Variants in LRFN2 observed in about 807,000 individuals in gnomAD.
LRFN2 encodes leucine rich repeat and fibronectin type III domain containing 2.
Under a neutral mutation model 37.3 loss-of-function variants are expected in LRFN2, and 18 were observed. The ratio of observed to expected loss-of-function variants is 0.48; its 90% CI spans 0.33 to 0.72. LRFN2 has a LOEUF of 0.72. LRFN2 is among the 30% of genes least tolerant of loss of function. LRFN2 has a pLI of 0.02. For synonymous variants in LRFN2, 556 were observed against 466.6 expected (o/e 1.19, Z -2.47); for missense variants, 1,006 against 1,060.7 (o/e 0.95, Z 0.72).
At chr6:40,522,795 A>G (rs1199253371) in intron 1 of LRFN2, among the ~76,000 whole-genome samples, 1 of 152,234 alleles carries the variant, frequency 6.6e-6, no homozygotes, top group Non-Finnish European at 1.5e-5. Flanking sequence ...CAGGGGTTTC[A>G]AAGAAAAAAG....
At chr6:40,526,358 C>G (rs1766255209) in intron 1 of LRFN2, among the ~76,000 whole-genome samples, 1 of 152,182 alleles carries the variant, frequency 6.6e-6, no homozygotes, top group Admixed American at 6.5e-5. Context: ...CTTGAAGAGG[C>G]CACAGAACAA....
chr6:40,569,853 G>A (rs1325821165), intron 1 of LRFN2, among the ~76,000 whole-genome samples: 1 of 152,026 alleles, frequency 6.6e-6, no homozygotes, highest in Non-Finnish European at 1.5e-5. Context: ...CCAAGACTAA[G>A]CTCCTCTGCA....
intron 2 of LRFN2, among the ~76,000 whole-genome samples, chr6:40,401,095 C>T (rs1762729535): frequency 6.8e-6 from 1 of 146,804 alleles, no homozygotes; most frequent in South Asian, 2.1e-4. Context: ...TCTAATGGAA[C>T]AGAGTTTACC....
chr6:40,541,411 A>C (rs1766553121), intron 1 of LRFN2, among the ~76,000 whole-genome samples: 2 of 152,184 alleles, frequency 1.3e-5, no homozygotes, highest in African/African-American at 4.8e-5. Context: ...GCCAGGTGGA[A>C]TGTGTTCCCT....
At chr6:40,521,388 G>A (rs535074012) in intron 1 of LRFN2, among the ~76,000 whole-genome samples, 58 of 152,342 alleles carry the variant, frequency 3.8e-4, no homozygotes, top group Non-Finnish European at 7.1e-4. Context: ...GAGCCAGAGA[G>A]AGGGGGCTTC....
At chr6:40,419,072 C>T (rs1581690352) in intron 2 of LRFN2, among the ~76,000 whole-genome samples, 1 of 152,346 alleles carries the variant, frequency 6.6e-6, no homozygotes, top group East Asian at 1.9e-4. Context: ...TGTGTGTTCA[C>T]AAGCCTGCCA....
chr6:40,484,811 G>A (rs1011823297), intron 1 of LRFN2, among the ~76,000 whole-genome samples: 1 of 152,184 alleles, frequency 6.6e-6, no homozygotes, highest in Non-Finnish European at 1.5e-5. Flanking sequence ...GGCCCCTCTA[G>A]CCCTCATACA....
chr6:40,393,641 C>T (rs1762558613), intron 2 of LRFN2, among the ~76,000 whole-genome samples: 1 of 152,210 alleles, frequency 6.6e-6, no homozygotes, highest in Admixed American at 6.5e-5. Context: ...GTATTCCCTC[C>T]GTCTCTGGGA....
At chr6:40,435,030 TATATATATATATATATATATATAG>T (rs1463834867) in intron 1 of LRFN2, among the ~76,000 whole-genome samples, 2 of 87,602 alleles carry the variant, frequency 2.3e-5, no homozygotes, top group African/African-American at 4.6e-5. Flanking sequence ...TATATATATA[TATATATATATATATATATATATAG>T]AGAGAGAGAG....
chr6:40,395,449 C>T (rs1021203283), intron 2 of LRFN2, among the ~76,000 whole-genome samples: 11 of 152,208 alleles, frequency 7.2e-5, no homozygotes, highest in Admixed American at 1.3e-4. Context: ...GACTCACGCT[C>T]CTCTACTGAC....
intron 1 of LRFN2, among the ~76,000 whole-genome samples, chr6:40,436,340 C>T (rs781439114): frequency 1.4e-4 from 22 of 152,318 alleles, no homozygotes; most frequent in Non-Finnish European, 2.6e-4. Context: ...CACAGCCATG[C>T]TTATTTGTTT....
At chr6:40,524,218 C>T (rs968790265) in intron 1 of LRFN2, among the ~76,000 whole-genome samples, 1 of 152,158 alleles carries the variant, frequency 6.6e-6, no homozygotes. Flanking sequence ...CAAAACAAAA[C>T]ACATGCAGAT....
At position 40,480,796 on chromosome 6, in the gene LRFN2, G is replaced by A. The variant is rs147611886; in HGVS notation, c.-18-47665C>T. Among the ~76,000 whole-genome samples the A allele has an allele frequency of 2.7e-3, 406 of 152,272 alleles. 4 individuals carry two copies. The highest frequency in any genetic ancestry group is 0.023 in the Admixed American group (347 of 15,292). On this transcript the variant is annotated intron_variant, in intron 1 of 2. Coordinates refer to ENST00000338305, the MANE Select transcript of LRFN2 (RefSeq NM_020737.3). ...TATCAATATTACATGTCACCATGTC[G>A]CATATGGGGCCAGGTGGAATACAAG...
At chr6:40,530,366 T>C (rs188325074) in intron 1 of LRFN2, among the ~76,000 whole-genome samples, 83 of 152,284 alleles carry the variant, frequency 5.5e-4, no homozygotes, top group Middle Eastern at 3.4e-3. Context: ...CAAGTTATGG[T>C]AAGCGTGAAT....
At position 40,528,000 on chromosome 6, in the gene LRFN2, A is replaced by T. The variant is rs532252764; in HGVS notation, c.-19+58941T>A. On this transcript the variant is annotated intron_variant, in intron 1 of 2. Coordinates refer to ENST00000338305, the MANE Select transcript of LRFN2 (RefSeq NM_020737.3). Reference sequence around the variant, plus strand: ...AAAGTGACTGTTATTATTCCCATTTATGGAGGAGAAAATGGAGTCTCAGAG... The same window carrying T: ...AAAGTGACTGTTATTATTCCCATTTTTGGAGGAGAAAATGGAGTCTCAGAG... 3.3e-5 allele frequency among the ~76,000 whole-genome samples: 5 copies of T among 152,358 alleles called. No homozygotes were observed. The South Asian group carries it at 1.0e-3, about 32-fold the overall frequency.
At chr6:40,476,025 G>C (rs1764702827) in intron 1 of LRFN2, among the ~76,000 whole-genome samples, 1 of 152,178 alleles carries the variant, frequency 6.6e-6, no homozygotes, top group Admixed American at 6.5e-5. Context: ...ATTGGTATAA[G>C]GATGAATGTA....
intron 1 of LRFN2, among the ~76,000 whole-genome samples, chr6:40,451,190 T>G (rs1219418101): frequency 6.6e-6 from 1 of 152,218 alleles, no homozygotes; most frequent in South Asian, 2.1e-4. Context: ...CCACATTTTT[T>G]GTGATCATGC....
intron 2 of LRFN2, among the ~76,000 whole-genome samples, chr6:40,421,871 T>C (rs2113814812): frequency 6.6e-6 from 1 of 152,326 alleles, no homozygotes; most frequent in South Asian, 2.1e-4. Context: ...TAGAAGCACT[T>C]CACACTTTAT....
At position 40,432,443 on chromosome 6, in the gene LRFN2, G is replaced by A. The variant is rs571421943; in HGVS notation, c.671C>T (p.Ser224Leu). The A allele has an allele frequency of 3.0e-5, 49 of 1,614,072 alleles. No homozygotes were observed. The highest frequency in any genetic ancestry group is 4.5e-5 in the East Asian group (2 of 44,884). Reference protein sequence around the residue: ...PDPIFARSQASALTATPFAPP... With the variant: ...PDPIFARSQALALTATPFAPP... ...GGCAAAGGGTGTGGCTGTCAAAGCC[G>A]AAGCCTGGGAGCGGGCAAAGATGGG... Residue 224 changes from serine to leucine, a missense_variant, in exon 2 of 3, where the codon TCG (serine) becomes TTG (leucine). By Grantham distance (145) the Ser-to-Leu change is moderately radical. Coordinates refer to ENST00000338305, the MANE Select transcript of LRFN2 (RefSeq NM_020737.3).
Sources: allele counts gnomAD v4.1 joint callset (sites outside exome capture counted in the v4.1 genomes callset), GRCh38; gene constraint gnomAD v4.1.1; transcripts MANE v1.5; gene names NCBI Gene and HGNC (gene_info 2026-07-23, HGNC 2026-07-21).